The following EXT1 variants were observed in gnomAD, a reference collection of about 807,000 sequenced individuals.
The protein encoded by EXT1 is exostosin-1.
EXT1 carries 20 observed loss-of-function variants against 82.5 expected under a neutral mutation model. The observed-to-expected ratio is 0.24, with a 90% confidence interval of 0.17 to 0.35. EXT1 has a LOEUF of 0.35. Ranked by LOEUF, EXT1 falls within the 10% of genes least tolerant of loss-of-function variation. The pLI is 1.00. For missense variants in EXT1, 757 were observed against 936.5 expected, an observed-to-expected ratio of 0.81 and a Z score of 2.50; for synonymous variants, 348 against 350.8, an observed-to-expected ratio of 0.99 and a Z score of 0.09.
chr8:118,021,167 C>T (rs1446983498), intron 1 of EXT1, among the ~76,000 whole-genome samples: 1 of 152,114 alleles, frequency 6.6e-6, no homozygotes, highest in Non-Finnish European at 1.5e-5. Flanking sequence ...AAGAGGGAGG[C>T]TTTAATTGGT....
intron 1 of EXT1, among the ~76,000 whole-genome samples, chr8:117,935,472 C>T (rs140777989): frequency 5.9e-5 from 9 of 151,956 alleles, no homozygotes; most frequent in African/African-American, 1.7e-4. Context: ...TGCACCAACA[C>T]GCCTGGTACA....
At chr8:117,907,051 C>T (rs2129980367) in intron 1 of EXT1, among the ~76,000 whole-genome samples, 1 of 152,260 alleles carries the variant, frequency 6.6e-6, no homozygotes. Context: ...TGCACATTCA[C>T]TTACATACAG....
At chr8:117,961,861 T>C (rs1814706641) in intron 1 of EXT1, among the ~76,000 whole-genome samples, 1 of 152,182 alleles carries the variant, frequency 6.6e-6, no homozygotes, top group Non-Finnish European at 1.5e-5. Context: ...CATGGTCGCC[T>C]TGCATAGAAC....
At chr8:117,970,304 ATT>A (rs35409811) in intron 1 of EXT1, among the ~76,000 whole-genome samples, 88 of 136,462 alleles carry the variant, frequency 6.4e-4, no homozygotes, top group Middle Eastern at 3.9e-3. Flanking sequence ...AGGAATCTAC[ATT>A]TTTTTTTTTT....
At position 117,858,790 on chromosome 8, in the gene EXT1, CAAGG is replaced by C. The variant is rs1563582078; in HGVS notation, c.963-21593_963-21590del. Among the ~76,000 whole-genome samples, 383 of 92,146 alleles carry C rather than the reference CAAGG, an allele frequency of 4.2e-3. 60 individuals are homozygous for C. The highest frequency in any genetic ancestry group is 0.023 in the African/African-American group (360 of 15,808). 60.5% of individuals were successfully genotyped at this position (92,146 alleles called of 152,430 possible). A position where few individuals can be genotyped will look rare whatever the true frequency, so the allele number is the denominator to read the frequency against. ...GAAGGCAGGCAGGCAGGCAGGCAGGCAAGGCAAGGCAAGGCAAGGCAGGAAGGAA... is the reference window on the plus strand; with the variant it reads ...GAAGGCAGGCAGGCAGGCAGGCAGGCCAAGGCAAGGCAAGGCAGGAAGGAA... On this transcript the variant is annotated intron_variant, in intron 1 of 10. Coordinates refer to ENST00000378204, the MANE Select transcript of EXT1 (RefSeq NM_000127.3).
At chr8:118,057,847 C>T (rs1292563071) in intron 1 of EXT1, among the ~76,000 whole-genome samples, 1 of 151,768 alleles carries the variant, frequency 6.6e-6, no homozygotes, top group Non-Finnish European at 1.5e-5. Context: ...GTGGCAGGCG[C>T]CTGTAGTCCC....
chr8:117,916,433 C>A (rs1025372332), intron 1 of EXT1, among the ~76,000 whole-genome samples: 2 of 152,190 alleles, frequency 1.3e-5, no homozygotes, highest in Non-Finnish European at 2.9e-5. Context: ...CCCAGCAAGA[C>A]CTCCTCTTTC....
At chr8:117,944,728 T>C (rs1814353491) in intron 1 of EXT1, among the ~76,000 whole-genome samples, 1 of 152,212 alleles carries the variant, frequency 6.6e-6, no homozygotes, top group Non-Finnish European at 1.5e-5. Flanking sequence ...CAGGCAATTT[T>C]CATTACTGAT....
At chr8:117,893,342 C>A (rs966776888) in intron 1 of EXT1, among the ~76,000 whole-genome samples, 1 of 152,140 alleles carries the variant, frequency 6.6e-6, no homozygotes, top group African/African-American at 2.4e-5. Flanking sequence ...CACAGAAAAG[C>A]CATTTGGACA....
chr8:117,899,428 G>C (rs982817838), intron 1 of EXT1, among the ~76,000 whole-genome samples: 1 of 152,212 alleles, frequency 6.6e-6, no homozygotes. Flanking sequence ...CCAGAAAGGA[G>C]AGAAATCTCG....
chr8:117,843,178 TG>T, intron 1 of EXT1, among the ~76,000 whole-genome samples: 1 of 152,300 alleles, frequency 6.6e-6, no homozygotes, highest in East Asian at 1.9e-4. Flanking sequence ...ATGAGAGAAA[TG>T]AAATTAACAT....
chr8:117,881,432 G>C lies in EXT1; in HGVS notation c.963-44231C>G, dbSNP rs1039478295. 5.9e-5 allele frequency among the ~76,000 whole-genome samples: 9 copies of C among 152,242 alleles called. No individual in the cohort carries two copies. In the East Asian group the frequency reaches 1.7e-3, roughly 29 times the overall value. Reference sequence around the variant, plus strand: ...TTGAATGAATGAATAAATGACTCCTGGTTTTTAACAAATGGCTACCCCGCA... The same window carrying C: ...TTGAATGAATGAATAAATGACTCCTCGTTTTTAACAAATGGCTACCCCGCA... On this transcript the variant is annotated intron_variant, in intron 1 of 10. Coordinates refer to ENST00000378204, the MANE Select transcript of EXT1 (RefSeq NM_000127.3).
rs1272746702 is a variant in EXT1, at chr8:117,980,716, T to G, written c.962+129369A>C. ...GTTGGTGGTTTTTTTTTTTTTTTTT[T>G]TTTTTTTTTTTTTTTCCAGTGTGAG... is the stretch of plus-strand genomic sequence containing the variant. On this transcript the variant is annotated intron_variant, in intron 1 of 10. Transcript: ENST00000378204. Among the ~76,000 whole-genome samples the G allele has an allele frequency of 2.0e-3, 271 of 132,432 alleles. 8 individuals are homozygous for G. Among genetic ancestry groups the G allele is most frequent in the Middle Eastern group, 0.018 (5 of 276 alleles). The allele number at this position is 132,432 out of a possible 152,430, so 86.9% of individuals were successfully genotyped here.
intron 1 of EXT1, among the ~76,000 whole-genome samples, chr8:118,013,780 T>C (rs1251908114): frequency 6.6e-6 from 1 of 152,270 alleles, no homozygotes; most frequent in Non-Finnish European, 1.5e-5. Context: ...TTTTTAAATG[T>C]AAGTATGTTC....
At chr8:117,814,852 C>G (rs1440789708) in intron 7 of EXT1, among the ~76,000 whole-genome samples, 1 of 152,180 alleles carries the variant, frequency 6.6e-6, no homozygotes, top group Non-Finnish European at 1.5e-5. Context: ...TAGGAGCCAG[C>G]TCATCTGCAG....
chr8:118,000,507 CTCT>C (rs1369978055), intron 1 of EXT1, among the ~76,000 whole-genome samples: 6 of 152,208 alleles, frequency 3.9e-5, no homozygotes, highest in Admixed American at 3.9e-4. Context: ...CCGAGGTGAT[CTCT>C]TGTCTTCCTG....
chr8:117,858,046 G>T (rs953624388), intron 1 of EXT1, among the ~76,000 whole-genome samples: 5 of 152,164 alleles, frequency 3.3e-5, no homozygotes, highest in Admixed American at 3.3e-4. Flanking sequence ...CTGAATTGCA[G>T]CAATCTTATA....
intron 8 of EXT1, among the ~76,000 whole-genome samples, chr8:117,808,314 C>G (rs1304333039): frequency 6.6e-6 from 1 of 152,162 alleles, no homozygotes; most frequent in Non-Finnish European, 1.5e-5. Flanking sequence ...GGTGCTTATC[C>G]ATTTTAACTC....
At chr8:117,864,861 G>A (rs1422500808) in intron 1 of EXT1, among the ~76,000 whole-genome samples, 4 of 152,090 alleles carry the variant, frequency 2.6e-5, no homozygotes, top group African/African-American at 9.7e-5. Flanking sequence ...GTGGCACAAG[G>A]GCTGTGGGAT....
Sources: allele counts gnomAD v4.1 joint callset (sites outside exome capture counted in the v4.1 genomes callset), GRCh38; gene constraint gnomAD v4.1.1; transcripts MANE v1.5; gene names NCBI Gene and HGNC (gene_info 2026-07-23, HGNC 2026-07-21).